PCLO: variants seen among roughly 807,000 people sequenced by gnomAD.
The protein encoded by PCLO is protein piccolo.
Under a neutral mutation model 427.5 loss-of-function variants are expected in PCLO, and 82 were observed. The observed-to-expected ratio is 0.19, with a 90% CI of 0.16 to 0.23. PCLO has a LOEUF of 0.23. PCLO is among the 10% of genes least tolerant of loss of function. The pLI is 1.00. For missense variants in PCLO, 6,239 were observed against 6,115.9 expected (o/e 1.02, Z -0.67); for synonymous variants, 2,357 against 2,155.4 (o/e 1.09, Z -2.59).
At chr7:83,060,243 C>T (rs1789511215) in intron 3 of PCLO, among the ~76,000 whole-genome samples, 1 of 152,128 alleles carries the variant, frequency 6.6e-6, no homozygotes, top group Non-Finnish European at 1.5e-5. Context: ...AACACACTCT[C>T]TATTAGGTGT....
At position 83,154,847 on chromosome 7, in the gene PCLO, C is replaced by A; in HGVS notation, c.1794G>T (p.Leu598=). 1 of 1,613,958 alleles carries A rather than the reference C, an allele frequency of 6.2e-7. No individual in the cohort carries two copies. Among genetic ancestry groups the A allele is most frequent in the South Asian group, 1.1e-5 (1 of 91,068 alleles). The change falls in exon 2 of 25, where the codon CTG becomes CTT. Residue 598 remains leucine, a synonymous_variant. Coordinates refer to ENST00000333891, the MANE Select transcript of PCLO (RefSeq NM_033026.6). ...AATTGGCCTTTTCTGGAACATGCAACAGAAGTTCAGTGGTATTGCAAAGAG... is the reference window on the plus strand; with the variant it reads ...AATTGGCCTTTTCTGGAACATGCAAAAGAAGTTCAGTGGTATTGCAAAGAG... ...ICPLCNTTEL[L]LHVPEKANFN...
In PCLO at chr7:82,859,770, C is replaced by A. The variant is rs1038394919; in HGVS notation, c.13655-12523G>T. 2.0e-5 allele frequency among the ~76,000 whole-genome samples: 3 copies of A among 152,038 alleles called. No homozygotes were observed. The South Asian group carries it at 6.2e-4, about 32-fold the overall frequency. Reference sequence around the variant, plus strand: ...TCCTGGAGAAACAAAGATATGTGACCTTTTAGACAAAGAATTCAAAATATT... The same window carrying A: ...TCCTGGAGAAACAAAGATATGTGACATTTTAGACAAAGAATTCAAAATATT... On this transcript the variant is annotated intron_variant, in intron 10 of 24. Coordinates refer to ENST00000333891, the MANE Select transcript of PCLO (RefSeq NM_033026.6).
chr7:82,825,066 ATGAG>A (rs1358542680), intron 18 of PCLO, among the ~76,000 whole-genome samples: 1 of 152,228 alleles, frequency 6.6e-6, no homozygotes, highest in African/African-American at 2.4e-5. Flanking sequence ...ATGGAAAAGA[ATGAG>A]TAAGTTGCAA....
In PCLO at chr7:82,966,386, T is replaced by C; in HGVS notation, c.3402A>G (p.Ala1134=). 1.2e-6 allele frequency: 2 copies of C among 1,613,900 alleles called. No individual in the cohort carries two copies. The highest frequency in any genetic ancestry group is 1.7e-6 in the Non-Finnish European group (2 of 1,179,820). Residue 1134 remains alanine (A), a synonymous_variant, in exon 4 of 25, where the codon GCA becomes GCG. Transcript: ENST00000333891. ...KMPPAPSGPK[A]SPMPVPTESS... Reference sequence around the variant, plus strand: ...ATTCTGTAGGAACAGGCATAGGAGATGCTTTGGGTCCTGATGGTGCAGGTG... The same window carrying C: ...ATTCTGTAGGAACAGGCATAGGAGACGCTTTGGGTCCTGATGGTGCAGGTG...
intron 9 of PCLO, chr7:82,880,540 T>C (rs1356547212): frequency 4.6e-6 from 1 of 215,970 alleles, no homozygotes; most frequent in East Asian, 1.1e-4. Context: ...TCTTTTCTTT[T>C]AAAGCAGTGG....
chr7:83,089,238 G>A (rs1790317589), intron 3 of PCLO, among the ~76,000 whole-genome samples: 3 of 151,386 alleles, frequency 2.0e-5, no homozygotes, highest in Non-Finnish European at 4.4e-5. Context: ...ACATGTTCAG[G>A]GTAAAAAAAA....
chr7:82,853,528 A>G (rs560245581), intron 10 of PCLO, among the ~76,000 whole-genome samples: 4 of 152,290 alleles, frequency 2.6e-5, no homozygotes, highest in South Asian at 2.1e-4. Flanking sequence ...TTTAAAAACT[A>G]TAATTTTTTT....
intron 14 of PCLO, among the ~76,000 whole-genome samples, chr7:82,841,068 T>C (rs1792354715): frequency 6.6e-6 from 1 of 151,858 alleles, no homozygotes; most frequent in African/African-American, 2.4e-5. Flanking sequence ...ACAAAAACTA[T>C]TCAGCAATTT....
At chr7:82,986,836 T>C (rs996664337) in intron 3 of PCLO, among the ~76,000 whole-genome samples, 14 of 151,944 alleles carry the variant, frequency 9.2e-5, no homozygotes, top group Non-Finnish European at 8.8e-5. Flanking sequence ...AATATAATTA[T>C]TGATGACCCA....
At chr7:82,780,252 A>G (rs1002612821) in intron 22 of PCLO, among the ~76,000 whole-genome samples, 2 of 152,234 alleles carry the variant, frequency 1.3e-5, no homozygotes, top group Non-Finnish European at 2.9e-5. Flanking sequence ...ATTCAAGATT[A>G]TTACAGTTTT....
chr7:83,082,439 C>T (rs1211585565), intron 3 of PCLO, among the ~76,000 whole-genome samples: 3 of 151,372 alleles, frequency 2.0e-5, no homozygotes, highest in African/African-American at 4.8e-5. Context: ...ATACTTGGAA[C>T]TTGGAAAAGA....
intron 3 of PCLO, among the ~76,000 whole-genome samples, chr7:83,115,740 A>G (rs1394014784): frequency 3.3e-5 from 5 of 152,006 alleles, no homozygotes; most frequent in Non-Finnish European, 7.4e-5. Context: ...TGTATAAGCC[A>G]TTTTCAAATA....
chr7:83,113,856 G>A (rs1306736635), intron 3 of PCLO, among the ~76,000 whole-genome samples: 2 of 152,024 alleles, frequency 1.3e-5, no homozygotes, highest in Non-Finnish European at 2.9e-5. Context: ...TATTAAATAA[G>A]GTGGTCAGAG....
chr7:82,895,254 TAC>T (rs1793873795), intron 9 of PCLO, among the ~76,000 whole-genome samples: 1 of 151,650 alleles, frequency 6.6e-6, no homozygotes, highest in African/African-American at 2.4e-5. Context: ...GAGAAAAAAT[TAC>T]AAGGGAATTA....
chr7:83,062,220 T>C (rs527863103), intron 3 of PCLO, among the ~76,000 whole-genome samples: 1 of 152,184 alleles, frequency 6.6e-6, no homozygotes, highest in Non-Finnish European at 1.5e-5. Flanking sequence ...CTCAAGGTTC[T>C]CACCTAACTG....
intron 3 of PCLO, among the ~76,000 whole-genome samples, chr7:82,980,848 G>A (rs1796131353): frequency 6.6e-6 from 1 of 152,132 alleles, no homozygotes; most frequent in African/African-American, 2.4e-5. Context: ...GGGAAGGCTA[G>A]AATATGTTGA....
At chr7:82,923,262 T>G (rs1215228417) in intron 6 of PCLO, among the ~76,000 whole-genome samples, 2 of 151,962 alleles carry the variant, frequency 1.3e-5, no homozygotes, top group African/African-American at 2.4e-5. Flanking sequence ...AAACTTAATT[T>G]TTTGAAAAAT....
chr7:82,814,940 AG>A (rs1246144129), intron 20 of PCLO, among the ~76,000 whole-genome samples: 20 of 151,960 alleles, frequency 1.3e-4, no homozygotes, highest in Non-Finnish European at 2.8e-4. Context: ...GATTAGCATC[AG>A]TTTCTTTGAC....
chr7:82,945,215 G>A (rs2116398811), intron 6 of PCLO, among the ~76,000 whole-genome samples: 1 of 152,172 alleles, frequency 6.6e-6, no homozygotes, highest in African/African-American at 2.4e-5. Flanking sequence ...ATTTGTAAGA[G>A]TAAGTAGGCT....
Sources: allele counts gnomAD v4.1 joint callset (sites outside exome capture counted in the v4.1 genomes callset), GRCh38; gene constraint gnomAD v4.1.1; transcripts MANE v1.5; gene names NCBI Gene and HGNC (gene_info 2026-07-23, HGNC 2026-07-21).